The following AJAP1 variants were observed in gnomAD, a reference collection of about 807,000 sequenced individuals.
AJAP1 encodes the protein adherens junction-associated protein 1.
In AJAP1, 5 loss-of-function variants were observed where a neutral mutation model predicts 35.0. That is an observed-to-expected ratio of 0.14 (90% CI 0.07 to 0.30). The LOEUF is 0.30. Among genes scored for constraint, AJAP1 ranks in the 10% least tolerant of loss-of-function variants. AJAP1 has a pLI of 1.00. For synonymous variants in AJAP1, 284 were observed against 249.3 expected, an observed-to-expected ratio of 1.14 and a Z score of -1.31; for missense variants, 586 against 571.0, an observed-to-expected ratio of 1.03 and a Z score of -0.27.
chr1:4,666,702 G>A (rs1430736232), intron 1 of AJAP1, among the ~76,000 whole-genome samples: 2 of 61,714 alleles, frequency 3.2e-5, no homozygotes, highest in African/African-American at 1.5e-4. Context: ...AGAATCGCGG[G>A]AGGGGTGCGG....
chr1:4,686,458 G>C (rs1275788533), intron 1 of AJAP1, among the ~76,000 whole-genome samples: 1 of 151,882 alleles, frequency 6.6e-6, no homozygotes, highest in Non-Finnish European at 1.5e-5. Flanking sequence ...AATTTCTTTG[G>C]GCTCCCAGAA....
chr1:4,735,685 C>T (rs1640905731), intron 2 of AJAP1, among the ~76,000 whole-genome samples: 1 of 152,004 alleles, frequency 6.6e-6, no homozygotes, highest in South Asian at 2.1e-4. Flanking sequence ...CCTCCCTGCT[C>T]CTCTGCTCCC....
At chr1:4,762,993 T>C (rs116559676) in intron 2 of AJAP1, among the ~76,000 whole-genome samples, 157 of 152,050 alleles carry the variant, frequency 1.0e-3, no homozygotes, top group African/African-American at 3.6e-3. Context: ...AAGGAAAGCG[T>C]TGGAGGGAGA....
At chr1:4,757,182 T>C (rs1483574296) in intron 2 of AJAP1, among the ~76,000 whole-genome samples, 1 of 152,224 alleles carries the variant, frequency 6.6e-6, no homozygotes, top group Non-Finnish European at 1.5e-5. Flanking sequence ...TCTCAGAAGA[T>C]CCTTTCCTTT....
intron 1 of AJAP1, among the ~76,000 whole-genome samples, chr1:4,684,400 G>A (rs968279089): frequency 3.3e-5 from 5 of 152,084 alleles, no homozygotes; most frequent in African/African-American, 9.7e-5. Flanking sequence ...TGTTCTGAGC[G>A]CCTGCTTTCT....
At position 4,655,336 on chromosome 1, in the gene AJAP1, G is replaced by A. The variant is rs1638853433; in HGVS notation, c.-90G>A. ...GGCGGCGGACCGAGAGCCGGAGACC[G>A]GCGCCGCGGGACGGAAGCGAGCGGG... On this transcript the variant is annotated 5_prime_UTR_variant, in exon 1 of 6. Transcript: ENST00000378191. The surrounding 1 kb of genome is among the most constrained non-coding windows in gnomAD (Gnocchi z 6.9). The A allele has an allele frequency of 1.6e-6, 2 of 1,238,470 alleles. No individual in the cohort carries two copies. The highest frequency in any genetic ancestry group is 1.6e-5 in the African/African-American group (1 of 62,494). The allele number at this position is 1,238,470 out of a possible 1,614,324, so 76.7% of individuals were successfully genotyped here.
intron 2 of AJAP1, among the ~76,000 whole-genome samples, chr1:4,733,648 G>A (rs999958181): frequency 3.4e-4 from 52 of 151,648 alleles, no homozygotes; most frequent in African/African-American, 1.1e-3. Context: ...ATCCTGCTCC[G>A]AGCGCGGGAA....
Position 4,655,392 on chromosome 1 carries a change from C to A in AJAP1, c.-34C>A. The A allele has an allele frequency of 6.5e-7, 1 of 1,544,202 alleles. No homozygotes were observed. Among genetic ancestry groups the A allele is most frequent in the Non-Finnish European group, 8.7e-7 (1 of 1,144,488 alleles). On this transcript the variant is annotated 5_prime_UTR_variant, in exon 1 of 6. Transcript: ENST00000378191. This position sits in a 1 kb window ranked among gnomAD's most constrained non-coding sequence, Gnocchi z 6.9. The stretch of plus-strand genomic sequence containing the variant: ...GCGCCGCGCAGATGGCCTGGGCGAG[C>A]CAGGTCTGAGGCCCCGCTCCCCGAA...
At chr1:4,766,826 A>G (rs1641695816) in intron 2 of AJAP1, among the ~76,000 whole-genome samples, 1 of 152,118 alleles carries the variant, frequency 6.6e-6, no homozygotes, top group Non-Finnish European at 1.5e-5. Context: ...CTTGCTGACC[A>G]GGGAAAGTCA....
intron 2 of AJAP1, among the ~76,000 whole-genome samples, chr1:4,738,111 C>G (rs1381919877): frequency 1.3e-5 from 2 of 152,194 alleles, no homozygotes; most frequent in Admixed American, 1.3e-4. Context: ...TGTTACACTT[C>G]TTGTCTTGCT....
rs7518359 is a variant in AJAP1 at position 4,696,155 on chromosome 1, G to T, written c.30-15745G>T. Among the ~76,000 whole-genome samples, 10 of 150,308 alleles carry T rather than the reference G, an allele frequency of 6.7e-5. 1 individual carries two copies. Among genetic ancestry groups the T allele is most frequent in the African/African-American group, 1.2e-4 (5 of 41,296 alleles). On this transcript the variant is annotated intron_variant, in intron 1 of 5. Coordinates refer to ENST00000378191, the MANE Select transcript of AJAP1 (RefSeq NM_018836.4). Reference sequence around the variant, plus strand: ...TGAGACGCAGGGGTTTTGGGTTGAGGGGGGGAGCAGGGAGGCTCCCTGGCC... The same window carrying T: ...TGAGACGCAGGGGTTTTGGGTTGAGTGGGGGAGCAGGGAGGCTCCCTGGCC...
intron 2 of AJAP1, among the ~76,000 whole-genome samples, chr1:4,750,326 A>G (rs1399576381): frequency 3.3e-5 from 5 of 152,234 alleles, no homozygotes; most frequent in African/African-American, 9.6e-5. Flanking sequence ...CTCGCTGCCA[A>G]TGCTGGAAGA....
chr1:4,697,135 G>A (rs931280279), intron 1 of AJAP1, among the ~76,000 whole-genome samples: 5 of 152,188 alleles, frequency 3.3e-5, no homozygotes, highest in African/African-American at 1.2e-4. Context: ...GTACAGATGT[G>A]TGGCTGTATT....
chr1:4,671,860 A>G (rs1047256056), intron 1 of AJAP1, among the ~76,000 whole-genome samples: 16 of 152,158 alleles, frequency 1.1e-4, no homozygotes, highest in Admixed American at 1.0e-3. Flanking sequence ...GCCTGCTTTT[A>G]TTGTCGTGGT....
chr1:4,762,248 A>G (rs552334262), intron 2 of AJAP1, among the ~76,000 whole-genome samples: 288 of 152,282 alleles, frequency 1.9e-3, no homozygotes, highest in African/African-American at 6.6e-3. Context: ...TACAGGGTTA[A>G]TTTTGCCCAA....
intron 2 of AJAP1, among the ~76,000 whole-genome samples, chr1:4,767,545 C>T (rs1457978392): frequency 2.0e-5 from 3 of 151,450 alleles, no homozygotes; most frequent in Admixed American, 6.6e-5. Flanking sequence ...ATCATCATCA[C>T]CATCTTTATC....
chr1:4,738,946 A>T (rs1443084462), intron 2 of AJAP1, among the ~76,000 whole-genome samples: 1 of 151,934 alleles, frequency 6.6e-6, no homozygotes, highest in Non-Finnish European at 1.5e-5. Flanking sequence ...TAGGAGGAGA[A>T]GGAGGTGGGA....
rs1640503092 is a variant in AJAP1 at position 4,720,997 on chromosome 1, GC to G, written c.829+8299del. On this transcript the variant is annotated intron_variant, in intron 2 of 5. Coordinates refer to ENST00000378191, the MANE Select transcript of AJAP1 (RefSeq NM_018836.4). The surrounding 1 kb of genome is among the most constrained non-coding windows in gnomAD (Gnocchi z 4.4). ...GAGAGGATGGGGGACAGGGATGGGGGCTGGAGCCAGCACCATTTCCTTTGCA... is the reference window on the plus strand; with the variant it reads ...GAGAGGATGGGGGACAGGGATGGGGGTGGAGCCAGCACCATTTCCTTTGCA... Among the ~76,000 whole-genome samples, 1 of 152,200 alleles carries G rather than the reference GC, an allele frequency of 6.6e-6. No individual in the cohort carries two copies. The highest frequency in any genetic ancestry group is 2.4e-5 in the African/African-American group (1 of 41,440).
At chr1:4,761,546 G>T (rs1641566413) in intron 2 of AJAP1, among the ~76,000 whole-genome samples, 1 of 152,228 alleles carries the variant, frequency 6.6e-6, no homozygotes, top group Admixed American at 6.5e-5. Context: ...CCATTTCTGT[G>T]CAGAGAACAA....
Sources: allele counts gnomAD v4.1 joint callset (sites outside exome capture counted in the v4.1 genomes callset), GRCh38; gene constraint gnomAD v4.1.1; non-coding constraint Gnocchi (gnomAD v3.1); transcripts MANE v1.5; gene names NCBI Gene and HGNC (gene_info 2026-07-23, HGNC 2026-07-21).